The following PARVA variants were observed in gnomAD, a reference collection of about 807,000 sequenced individuals.
PARVA encodes the protein parvin alpha.
In PARVA, 25 loss-of-function variants were observed where a neutral mutation model predicts 52.6. The observed-to-expected ratio is 0.48, with a 90% CI of 0.35 to 0.66. The LOEUF is 0.66. Ranked by LOEUF, PARVA falls within the 30% of genes least tolerant of loss-of-function variation. PARVA has a pLI of 0.01. For synonymous variants in PARVA, 185 were observed against 179.1 expected, an observed-to-expected ratio of 1.03 and a Z score of -0.26; for missense variants, 373 against 450.9, an observed-to-expected ratio of 0.83 and a Z score of 1.56.
intron 7 of PARVA, 137 bp from the exon 8 acceptor site, chr11:12,511,377 C>T (rs1377364254): frequency 1.4e-5 from 12 of 831,478 alleles, no homozygotes; most frequent in Non-Finnish European, 2.3e-5. Flanking sequence ...GCTTTTTGAG[C>T]TCCTCAACCA....
chr11:12,426,842 A>C (rs1564844187), intron 1 of PARVA, among the ~76,000 whole-genome samples: 1 of 152,180 alleles, frequency 6.6e-6, no homozygotes, highest in East Asian at 1.9e-4. Flanking sequence ...AGGCTCTTTC[A>C]GCAGTCCAGG....
chr11:12,449,810 C>A (rs555554995), intron 1 of PARVA, among the ~76,000 whole-genome samples: 2 of 152,304 alleles, frequency 1.3e-5, no homozygotes, highest in African/African-American at 2.4e-5. Context: ...AACAGCCCCC[C>A]ACAACAAGGG....
rs1252060218 is a variant in PARVA, at chr11:12,531,812, G to A, written c.*3887G>A. On this transcript the variant is annotated 3_prime_UTR_variant, in exon 13 of 13. Coordinates refer to ENST00000334956, the MANE Select transcript of PARVA (RefSeq NM_018222.5). ...ATTGCTGCAGCTGCTGAAAACAAGA[G>A]AGCTGCATTAAGCTGCAAGGCCGGG... 6.6e-6 allele frequency among the ~76,000 whole-genome samples: 1 copy of A among 152,002 alleles called. No homozygotes were observed. Among genetic ancestry groups the A allele is most frequent in the Non-Finnish European group, 1.5e-5 (1 of 68,026 alleles).
In PARVA at chr11:12,388,725, T is replaced by A. The variant is rs1248456731; in HGVS notation, c.136+10942T>A. 4.6e-5 allele frequency among the ~76,000 whole-genome samples: 7 copies of A among 152,008 alleles called. No homozygotes were observed. The East Asian group carries it at 9.6e-4, about 21-fold the overall frequency. ...CTTTTTTAGTATTGTGAGTATACTA[T>A]GTATGTTGTAAAGATAAGTTTTTTT... On this transcript the variant is annotated intron_variant, in intron 1 of 12. Coordinates refer to ENST00000334956, the MANE Select transcript of PARVA (RefSeq NM_018222.5).
chr11:12,420,784 T>C (rs1414082626), intron 1 of PARVA, among the ~76,000 whole-genome samples: 1 of 152,182 alleles, frequency 6.6e-6, no homozygotes, highest in Non-Finnish European at 1.5e-5. Context: ...TTATTCTCAA[T>C]TTATAGATGA....
intron 1 of PARVA, among the ~76,000 whole-genome samples, chr11:12,393,044 GAAAAAAAAAAAAAAAA>G (rs60966710): frequency 4.3e-5 from 2 of 46,132 alleles, no homozygotes; most frequent in Non-Finnish European, 1.0e-4. Context: ...CCCAAATTGT[GAAAAAAAAAAAAAAAA>G]AAAAAAAGAA....
intron 9 of PARVA, 123 bp from the exon 10 acceptor site, chr11:12,513,874 C>A: frequency 4.7e-6 from 4 of 858,024 alleles, no homozygotes; most frequent in Non-Finnish European, 7.4e-6. Flanking sequence ...GCCCAGGGCT[C>A]TTGGCTGGGC....
intron 1 of PARVA, among the ~76,000 whole-genome samples, chr11:12,465,374 G>A (rs1383363937): frequency 1.3e-5 from 2 of 152,112 alleles, no homozygotes; most frequent in Non-Finnish European, 2.9e-5. Context: ...CTCCATAACT[G>A]TAAGAAATAT....
chr11:12,526,662 G>A (rs988134343), intron 12 of PARVA, among the ~76,000 whole-genome samples: 9 of 152,186 alleles, frequency 5.9e-5, no homozygotes, highest in Admixed American at 5.9e-4. Flanking sequence ...TCTCCCTAAA[G>A]GTAACCACTA....
chr11:12,416,336 C>T (rs1940067035), intron 1 of PARVA, among the ~76,000 whole-genome samples: 1 of 152,214 alleles, frequency 6.6e-6, no homozygotes, highest in Non-Finnish European at 1.5e-5. Context: ...CAAGAGACAG[C>T]ATTCAAACTG....
chr11:12,484,856 A>G (rs1455799561), intron 4 of PARVA, among the ~76,000 whole-genome samples: 1 of 130,324 alleles, frequency 7.7e-6, no homozygotes, highest in African/African-American at 3.0e-5. Flanking sequence ...TCTATTGCCT[A>G]GGCTGGAGTG....
intron 1 of PARVA, among the ~76,000 whole-genome samples, chr11:12,454,135 G>A (rs559803821): frequency 6.6e-6 from 1 of 152,314 alleles, no homozygotes; most frequent in Admixed American, 6.5e-5. Flanking sequence ...CCTCAGCAGA[G>A]CTGGTGTTTG....
At chr11:12,434,357 G>T (rs1308597263) in intron 1 of PARVA, among the ~76,000 whole-genome samples, 1 of 152,134 alleles carries the variant, frequency 6.6e-6, no homozygotes, top group African/African-American at 2.4e-5. Context: ...TCAGCTGCAG[G>T]TCCCGCCTGC....
At chr11:12,402,854 C>T (rs558636112) in intron 1 of PARVA, among the ~76,000 whole-genome samples, 8 of 152,226 alleles carry the variant, frequency 5.3e-5, no homozygotes, top group Non-Finnish European at 1.2e-4. Flanking sequence ...TTCTCATTTT[C>T]GTACTCGGAG....
chr11:12,386,328 A>G (rs1257891629), intron 1 of PARVA, among the ~76,000 whole-genome samples: 1 of 152,010 alleles, frequency 6.6e-6, no homozygotes, highest in African/African-American at 2.4e-5. Context: ...TTTCTTTCAC[A>G]TGTTTATGCC....
intron 1 of PARVA, among the ~76,000 whole-genome samples, chr11:12,458,266 G>A (rs1025713606): frequency 6.6e-6 from 1 of 152,198 alleles, no homozygotes; most frequent in African/African-American, 2.4e-5. Flanking sequence ...ACAGTCCTCG[G>A]CGCAGGGCCT....
At chr11:12,501,727 T>C (rs891291781) in intron 5 of PARVA, among the ~76,000 whole-genome samples, 4 of 152,284 alleles carry the variant, frequency 2.6e-5, no homozygotes, top group African/African-American at 4.8e-5. Context: ...CGTAGCGTAG[T>C]ATGTATGTGT....
At chr11:12,392,538 G>A (rs142267852) in intron 1 of PARVA, among the ~76,000 whole-genome samples, 2,208 of 152,096 alleles carry the variant, frequency 0.015, 54 homozygotes, top group African/African-American at 0.051. Flanking sequence ...CAAAGTGCTG[G>A]GATTACAGGC....
At chr11:12,482,625 C>CAA (rs35722013) in intron 4 of PARVA, among the ~76,000 whole-genome samples, 102 of 133,100 alleles carry the variant, frequency 7.7e-4, no homozygotes, top group Middle Eastern at 4.0e-3. Flanking sequence ...GTCTCCATCT[C>CAA]AAAAAAAAAA....
Sources: gnomAD v4.1 joint callset for allele counts (sites outside exome capture counted in the v4.1 genomes callset) on GRCh38, gnomAD v4.1.1 for gene constraint, MANE v1.5 for transcripts, NCBI Gene and HGNC (gene_info 2026-07-23, HGNC 2026-07-21) for gene names.